UGT1A10: variants seen among roughly 807,000 people sequenced by gnomAD.
UGT1A10 encodes UDP glucuronosyltransferase family 1 member A10.
In UGT1A10, 49 loss-of-function variants were observed where a neutral mutation model predicts 45.8. The ratio of observed to expected loss-of-function variants is 1.07; its 90% confidence interval spans 0.85 to 1.36. The LOEUF is 1.36. Among genes scored for constraint, UGT1A10 ranks in the 40% most tolerant of loss-of-function variants. UGT1A10 has a pLI of 0.00. For synonymous variants in UGT1A10, 284 were observed against 249.7 expected (o/e 1.14, Z -1.29); for missense variants, 745 against 668.6 (o/e 1.11, Z -1.26).
intron 1 of UGT1A10, among the ~76,000 whole-genome samples, chr2:233,645,249 A>C (rs766279100): frequency 2.0e-5 from 3 of 152,090 alleles, no homozygotes; most frequent in African/African-American, 7.2e-5. Flanking sequence ...CCATGATTCA[A>C]TTTTCCCACC....
At chr2:233,668,874 C>A (rs1285268052) in intron 1 of UGT1A10, among the ~76,000 whole-genome samples, 1 of 152,202 alleles carries the variant, frequency 6.6e-6, no homozygotes, top group Non-Finnish European at 1.5e-5. Flanking sequence ...ACATTTGTTT[C>A]ATCTCCTCTA....
chr2:233,713,457 C>T, intron 1 of UGT1A10: 1 of 1,614,142 alleles, frequency 6.2e-7, no homozygotes, highest in Non-Finnish European at 8.5e-7. Context: ...CCCCTTTCAC[C>T]TCTGCGCGGC....
chr2:233,674,731 A>G (rs763166012), intron 1 of UGT1A10, among the ~76,000 whole-genome samples: 26 of 152,218 alleles, frequency 1.7e-4, no homozygotes, highest in Non-Finnish European at 2.6e-4. Flanking sequence ...GTGGAAGATT[A>G]CATATATTAA....
At chr2:233,679,731 T>G (rs1382822795) in intron 1 of UGT1A10, among the ~76,000 whole-genome samples, 1 of 152,152 alleles carries the variant, frequency 6.6e-6, no homozygotes, top group Non-Finnish European at 1.5e-5. Flanking sequence ...AAGCCAAACC[T>G]CTTTGTAAAA....
At chr2:233,686,255 T>C (rs1302039353) in intron 1 of UGT1A10, among the ~76,000 whole-genome samples, 1 of 152,066 alleles carries the variant, frequency 6.6e-6, no homozygotes, top group African/African-American at 2.4e-5. Flanking sequence ...TGAGATTTTT[T>C]TTTTTCTTGT....
At chr2:233,760,016 C>G (rs1456599640) in intron 1 of UGT1A10, among the ~76,000 whole-genome samples, 1 of 152,148 alleles carries the variant, frequency 6.6e-6, no homozygotes, top group African/African-American at 2.4e-5. Flanking sequence ...TTTAATGGAT[C>G]CTGAGGTTCT....
chr2:233,725,080 G>A (rs1417813271), intron 1 of UGT1A10, among the ~76,000 whole-genome samples: 3 of 144,008 alleles, frequency 2.1e-5, no homozygotes, highest in Non-Finnish European at 4.6e-5. Context: ...GCAGGCACTC[G>A]GCAGGCTGAG....
chr2:233,734,084 C>T (rs112644087), intron 1 of UGT1A10, among the ~76,000 whole-genome samples: 1 of 151,970 alleles, frequency 6.6e-6, no homozygotes. Flanking sequence ...TGTGCACATG[C>T]ACCCTAAAAC....
chr2:233,739,456 G>A (rs1691109479), intron 1 of UGT1A10, among the ~76,000 whole-genome samples: 1 of 152,244 alleles, frequency 6.6e-6, no homozygotes, highest in African/African-American at 2.4e-5. Flanking sequence ...CACAGGGTTG[G>A]AGCTGCCTGA....
chr2:233,672,854 T>C lies in UGT1A10; in HGVS notation c.855+35477T>C. On this transcript the variant is annotated intron_variant, in intron 1 of 4. Coordinates refer to ENST00000344644, the MANE Select transcript of UGT1A10 (RefSeq NM_019075.4). ...CTTTGGAAATTAAAAAAGGATTCTTTACTGAACTGTGATTTGACATTTTCA... is the reference window on the plus strand; with the variant it reads ...CTTTGGAAATTAAAAAAGGATTCTTCACTGAACTGTGATTTGACATTTTCA... 5 of 1,537,488 alleles carry C rather than the reference T, an allele frequency of 3.3e-6. No individual in the cohort carries two copies. The South Asian group carries it at 5.2e-5, about 16-fold the overall frequency.
At position 233,642,448 on chromosome 2, in the gene UGT1A10, C is replaced by T. The variant is rs528683431; in HGVS notation, c.855+5071C>T. Among the ~76,000 whole-genome samples, 4 of 152,234 alleles carry T rather than the reference C, an allele frequency of 2.6e-5. No individual in the cohort carries two copies. The East Asian group carries it at 5.8e-4, about 22-fold the overall frequency. ...GTTATTTGGAATTTCTTTGAGTTTCCTCAACACAGCTATTTTGAATTCTCT... is the reference window on the plus strand; with the variant it reads ...GTTATTTGGAATTTCTTTGAGTTTCTTCAACACAGCTATTTTGAATTCTCT... On this transcript the variant is annotated intron_variant, in intron 1 of 4. Coordinates refer to ENST00000344644, the MANE Select transcript of UGT1A10 (RefSeq NM_019075.4).
intron 1 of UGT1A10, chr2:233,730,082 T>C (rs1479796808): frequency 2.1e-5 from 33 of 1,603,816 alleles, no homozygotes; most frequent in Non-Finnish European, 2.4e-5. Flanking sequence ...CCATATTTAC[T>C]TATCTTTCCA....
chr2:233,720,342 T>A (rs2076852802), intron 1 of UGT1A10, among the ~76,000 whole-genome samples: 1 of 152,074 alleles, frequency 6.6e-6, no homozygotes, highest in African/African-American at 2.4e-5. Context: ...TTGGAAGGTA[T>A]GGTGATGGTT....
intron 1 of UGT1A10, among the ~76,000 whole-genome samples, chr2:233,638,430 T>C (rs1282151268): frequency 1.3e-5 from 2 of 152,226 alleles, no homozygotes; most frequent in Non-Finnish European, 2.9e-5. Flanking sequence ...AGATGTACAA[T>C]ATACAATACC....
intron 1 of UGT1A10, chr2:233,728,958 A>T (rs2077771946): frequency 1.4e-6 from 2 of 1,444,154 alleles, no homozygotes; most frequent in African/African-American, 2.9e-5. Context: ...CCCACAGTGA[A>T]AAACAGTGAT....
chr2:233,740,135 G>A (rs1178370483), intron 1 of UGT1A10, among the ~76,000 whole-genome samples: 1 of 151,922 alleles, frequency 6.6e-6, no homozygotes, highest in Non-Finnish European at 1.5e-5. Context: ...TGTCATGATT[G>A]TAAGTTTCCT....
At position 233,747,626 on chromosome 2, in the gene UGT1A10, C is replaced by G. The variant is rs546895525; in HGVS notation, c.856-19408C>G. 8.9e-6 allele frequency: 14 copies of G among 1,577,506 alleles called. No homozygotes were observed. The African/African-American group carries it at 1.8e-4, about 20-fold the overall frequency. ...AGCTACTGCATAATGAGGCCCTGAT[C>G]AGGCACCTGAATGCTACTTCCTTCG... On this transcript the variant is annotated intron_variant, in intron 1 of 4. Coordinates refer to ENST00000344644, the MANE Select transcript of UGT1A10 (RefSeq NM_019075.4).
intron 1 of UGT1A10, chr2:233,647,814 G>T (rs920213033): frequency 2.0e-5 from 17 of 833,424 alleles, no homozygotes; most frequent in Non-Finnish European, 2.7e-5. Context: ...CAAGTTAATT[G>T]ATTTGCCCCA....
chr2:233,699,396 A>G (rs1384034823), intron 1 of UGT1A10, among the ~76,000 whole-genome samples: 1 of 152,216 alleles, frequency 6.6e-6, no homozygotes, highest in African/African-American at 2.4e-5. Flanking sequence ...CAATTTTAGA[A>G]GAGAATTTAG....
Sources: gnomAD v4.1 joint callset for allele counts (sites outside exome capture counted in the v4.1 genomes callset) on GRCh38, gnomAD v4.1.1 for gene constraint, MANE v1.5 for transcripts, NCBI Gene and HGNC (gene_info 2026-07-23, HGNC 2026-07-21) for gene names.